TENM1: variants seen among roughly 807,000 people sequenced by gnomAD.
TENM1 encodes the protein teneurin-1.
TENM1 carries 35 observed loss-of-function variants against 174.8 expected under a neutral mutation model. The ratio of observed to expected loss-of-function variants is 0.20; its 90% CI spans 0.15 to 0.27. The LOEUF (loss-of-function observed/expected upper bound fraction) is 0.27. Ranked by LOEUF, TENM1 falls within the 10% of genes least tolerant of loss-of-function variation. TENM1 has a pLI of 1.00. For missense variants in TENM1, 1,633 were observed against 2,130.1 expected, an observed-to-expected ratio of 0.77 and a Z score of 4.59; for synonymous variants, 781 against 798.7, an observed-to-expected ratio of 0.98 and a Z score of 0.37.
chrX:124,480,065 C>T (rs1245003119), intron 22 of TENM1, among the ~76,000 whole-genome samples: 2 of 111,683 alleles, frequency 1.8e-5, no homozygotes, highest in Non-Finnish European at 3.8e-5. Context: ...ATAAGAGTTA[C>T]TTAATTGATC....
chrX:124,668,616 G>A (rs913197685), intron 6 of TENM1, among the ~76,000 whole-genome samples: 11 of 109,764 alleles, frequency 1.0e-4, no homozygotes, highest in East Asian at 2.9e-4. Flanking sequence ...ACCGAACACC[G>A]CATGTTCTCA....
At chrX:124,834,234 C>A (rs1396467376) in intron 3 of TENM1, among the ~76,000 whole-genome samples, 3 of 111,743 alleles carry the variant, frequency 2.7e-5, no homozygotes, top group Non-Finnish European at 5.6e-5. Flanking sequence ...AGCAGTGGTG[C>A]GATCTCAGCT....
At chrX:125,008,122 G>A in the TENM1 span, among the ~76,000 whole-genome samples, 1 of 111,179 alleles carries the variant, frequency 9.0e-6, no homozygotes, top group African/African-American at 3.3e-5. Context: ...TTGGTGTGCT[G>A]TATTCAGGAG....
At chrX:124,804,266 T>G (rs1316924620) in intron 3 of TENM1, among the ~76,000 whole-genome samples, 1 of 112,091 alleles carries the variant, frequency 8.9e-6, no homozygotes, top group Non-Finnish European at 1.9e-5. Flanking sequence ...TTTTTCATGT[T>G]TAAAAAAAGC....
At chrX:124,947,399 T>C (rs974009693) in intron 1 of TENM1, among the ~76,000 whole-genome samples, 21 of 112,279 alleles carry the variant, frequency 1.9e-4, no homozygotes, top group Admixed American at 6.6e-4. Context: ...AAGGGCATGA[T>C]ACTTAGTGTC....
chrX:124,693,016 A>T (rs1218988186), intron 5 of TENM1, among the ~76,000 whole-genome samples: 6 of 106,229 alleles, frequency 5.6e-5, no homozygotes, highest in Non-Finnish European at 1.2e-4. Flanking sequence ...CTCAAAAAAA[A>T]AAAAAAAAGA....
At chrX:124,422,618 T>G in exon 24 of TENM1, 1 of 1,209,304 alleles carries the variant, frequency 8.3e-7, no homozygotes, top group Non-Finnish European at 1.1e-6. Context: ...CTGCAAGGTC[T>G]GTTGGCCACT....
At position 124,382,718 on chromosome X, in the gene TENM1, G is replaced by A. The variant is rs774609424; in HGVS notation, c.7392C>T (p.Tyr2464=). ...TTTTTGTCTGAAGCCGTAGAAGCTC[G>A]TAAGTTAATTCTAAATTTTCTAATT... The change falls in exon 31 of 32, where the codon TAC becomes TAT. Residue 2464 remains tyrosine (Y), a synonymous_variant. Transcript: ENST00000422452. 1.4e-4 allele frequency: 164 copies of A among 1,205,471 alleles called. No homozygotes were observed. In the South Asian group the frequency reaches 2.6e-3, roughly 19 times the overall value.
chrX:125,130,976 TG>T, the TENM1 span, among the ~76,000 whole-genome samples: 21 of 111,930 alleles, frequency 1.9e-4, no homozygotes, highest in Non-Finnish European at 3.8e-5. Context: ...CAGAGGGTTA[TG>T]GAGTATAAGA....
At chrX:124,908,242 T>A (rs186949150) in intron 1 of TENM1, among the ~76,000 whole-genome samples, 1 of 111,733 alleles carries the variant, frequency 8.9e-6, no homozygotes, top group East Asian at 2.8e-4. Flanking sequence ...GCCATGGTGG[T>A]TTGCTGCACC....
chrX:124,496,937 G>T, intron 20 of TENM1, 79 bp downstream of exon 23: 1 of 1,048,242 alleles, frequency 9.5e-7, no homozygotes. Context: ...GCTTCTACTG[G>T]CAGTGCTTTG....
intron 3 of TENM1, among the ~76,000 whole-genome samples, chrX:124,832,881 C>G (rs1285624293): frequency 8.9e-6 from 1 of 112,386 alleles, no homozygotes; most frequent in Admixed American, 9.4e-5. Context: ...AGCCAGAAAG[C>G]CTTTGAAACA....
chrX:125,166,427 G>A, the TENM1 span, among the ~76,000 whole-genome samples: 8 of 110,841 alleles, frequency 7.2e-5, no homozygotes, highest in African/African-American at 1.3e-4. Context: ...CTTTTTCACC[G>A]CCACACTGCT....
intron 28 of TENM1, among the ~76,000 whole-genome samples, chrX:124,391,518 C>T (rs2060281568): frequency 9.0e-6 from 1 of 111,398 alleles, no homozygotes; most frequent in South Asian, 3.8e-4. Flanking sequence ...ATGGATGCTA[C>T]TGGAGACTCA....
chrX:124,737,295 A>G, intron 3 of TENM1, 98 bp from the exon 7 acceptor site: 1 of 981,831 alleles, frequency 1.0e-6, no homozygotes, highest in Non-Finnish European at 1.3e-6. Context: ...TTCAGATAAT[A>G]AAACCTGTGG....
chrX:124,974,644 T>A, the TENM1 span, among the ~76,000 whole-genome samples: 1 of 109,323 alleles, frequency 9.1e-6, no homozygotes, highest in African/African-American at 3.3e-5. Context: ...ATTATTTTTG[T>A]TAAAGCCTCA....
At chrX:124,554,421 T>C (rs2048650756) in intron 14 of TENM1, among the ~76,000 whole-genome samples, 1 of 111,805 alleles carries the variant, frequency 8.9e-6, no homozygotes, top group Admixed American at 9.5e-5. Context: ...GAGTTGAGAT[T>C]TTCTACTTTG....
chrX:125,052,375 G>A, the TENM1 span, among the ~76,000 whole-genome samples: 1 of 111,822 alleles, frequency 8.9e-6, no homozygotes, highest in Non-Finnish European at 1.9e-5. Flanking sequence ...TGCCAGAAAC[G>A]AGAACACATA....
At chrX:124,816,147 A>G (rs1194383969) in intron 3 of TENM1, among the ~76,000 whole-genome samples, 2 of 112,031 alleles carry the variant, frequency 1.8e-5, no homozygotes, top group African/African-American at 6.5e-5. Context: ...CATAAAGACA[A>G]AATCAATCAT....
Sources: gnomAD v4.1 joint callset for allele counts (sites outside exome capture counted in the v4.1 genomes callset) on GRCh38, gnomAD v4.1.1 for gene constraint, MANE v1.5 for transcripts, NCBI Gene and HGNC (gene_info 2026-07-23, HGNC 2026-07-21) for gene names.